The following SPTLC1 variants were observed in gnomAD, a reference collection of about 807,000 sequenced individuals.
SPTLC1 encodes serine palmitoyltransferase long chain base subunit 1.
A neutral mutation model predicts 68.9 loss-of-function variants in SPTLC1; 55 were observed. The ratio of observed to expected loss-of-function variants is 0.80; its 90% CI spans 0.64 to 1.00. SPTLC1 has a LOEUF of 1.00. Ranked by LOEUF, SPTLC1 falls within the 50% of genes least tolerant of loss-of-function variation. The probability of loss-of-function intolerance (pLI) is 0.00; values close to 1 mark genes in which losing one functional copy is unlikely to be tolerated. For synonymous variants in SPTLC1, 197 were observed against 201.6 expected (o/e 0.98, Z 0.19); for missense variants, 449 against 573.1 (o/e 0.78, Z 2.21).
chr9:92,058,113 G>A (rs1034650741), intron 7 of SPTLC1, among the ~76,000 whole-genome samples: 6 of 152,168 alleles, frequency 3.9e-5, no homozygotes, highest in Admixed American at 2.6e-4. Context: ...AGTGGAATGG[G>A]CTGTTTTCAG....
chr9:92,097,155 T>C (rs1174852649), intron 3 of SPTLC1, among the ~76,000 whole-genome samples: 2 of 152,094 alleles, frequency 1.3e-5, no homozygotes, highest in African/African-American at 2.4e-5. Context: ...TACAATAAAA[T>C]AGAAAATAAT....
chr9:92,045,347 AT>A (rs574385832), intron 12 of SPTLC1, among the ~76,000 whole-genome samples: 529 of 140,130 alleles, frequency 3.8e-3, no homozygotes, highest in East Asian at 5.3e-3. Context: ...ACCAACCTCC[AT>A]TTTTTTTTTT....
At chr9:92,058,455 CCA>C (rs1833970121) in intron 7 of SPTLC1, among the ~76,000 whole-genome samples, 1 of 152,172 alleles carries the variant, frequency 6.6e-6, no homozygotes, top group Non-Finnish European at 1.5e-5. Context: ...CTGCTCAGAA[CCA>C]CAGACCTGAG....
chr9:92,114,348 T>C (rs1836356649), intron 1 of SPTLC1, among the ~76,000 whole-genome samples: 1 of 152,206 alleles, frequency 6.6e-6, no homozygotes, highest in Admixed American at 6.5e-5. Flanking sequence ...TCTCAGTTAT[T>C]AAATGAATGA....
chr9:92,105,736 G>A lies in SPTLC1; in HGVS notation c.260+3004C>T, dbSNP rs566430091. 1.6e-4 allele frequency among the ~76,000 whole-genome samples: 25 copies of A among 151,808 alleles called. No individual in the cohort carries two copies. In the South Asian group the frequency reaches 5.0e-3, roughly 30 times the overall value. ...TCTGCCTGGCCGCCTCACAGCCCGG[G>A]AAGTGAGGAGTGCCTCTGCCCAGCC... On this transcript the variant is annotated intron_variant, in intron 3 of 14. Transcript: ENST00000262554.
rs889764170 is a variant in SPTLC1 at position 92,037,137 on chromosome 9, A to G, written c.1254+1111T>C. 2.2e-4 allele frequency among the ~76,000 whole-genome samples: 34 copies of G among 152,240 alleles called. 1 individual carries two copies. Among genetic ancestry groups the G allele is most frequent in the Non-Finnish European group, 4.4e-5 (3 of 68,042 alleles). On this transcript the variant is annotated intron_variant, in intron 13 of 14. Coordinates refer to ENST00000262554, the MANE Select transcript of SPTLC1 (RefSeq NM_006415.4). Reference sequence around the variant, plus strand: ...TTTGGGACATAGGACAGCTGAAGCCAGCTAGGCAGCAGAGGCTGCCTGCAC... The same window carrying G: ...TTTGGGACATAGGACAGCTGAAGCCGGCTAGGCAGCAGAGGCTGCCTGCAC...
chr9:92,059,611 A>G (rs1834017168), intron 6 of SPTLC1, among the ~76,000 whole-genome samples: 1 of 152,170 alleles, frequency 6.6e-6, no homozygotes, highest in Admixed American at 6.5e-5. Context: ...TTCTCTTTCT[A>G]AGAAACATAA....
chr9:92,104,431 C>A, intron 3 of SPTLC1: 1 of 1,379,140 alleles, frequency 7.3e-7, no homozygotes, highest in Non-Finnish European at 9.6e-7. Flanking sequence ...CCCTGTGAGG[C>A]TGTGTCTTAT....
intron 14 of SPTLC1, 147 bp from the exon 15 acceptor site, chr9:92,032,705 T>C: frequency 3.6e-6 from 4 of 1,099,370 alleles, no homozygotes; most frequent in Non-Finnish European, 5.3e-6. Flanking sequence ...TGAAACCCCA[T>C]CTCTGCTAAA....
rs7863487 is a variant in SPTLC1, at chr9:92,034,890, G to A, written c.1255-7C>T. 2.7e-3 allele frequency: 4,423 copies of A among 1,612,444 alleles called. 101 individuals are homozygous for A. In the African/African-American group the frequency reaches 0.049, roughly 18 times the overall value. On this transcript the variant is annotated splice_polypyrimidine_tract_variant and splice_region_variant and intron_variant, in intron 13 of 14. Transcript: ENST00000262554. Reference sequence around the variant, plus strand: ...CAATACTTCTGTTCATGCACTGTAGGAAGAAAAAGAAGACATCTGCAACCT... The same window carrying A: ...CAATACTTCTGTTCATGCACTGTAGAAAGAAAAAGAAGACATCTGCAACCT...
chr9:92,068,337 G>C (rs1469914500), intron 5 of SPTLC1, among the ~76,000 whole-genome samples: 2 of 152,156 alleles, frequency 1.3e-5, no homozygotes, highest in Non-Finnish European at 2.9e-5. Context: ...TGTTACTGGG[G>C]CAGTTCCAAC....
At chr9:92,089,974 C>G (rs1835295385) in intron 3 of SPTLC1, among the ~76,000 whole-genome samples, 1 of 152,180 alleles carries the variant, frequency 6.6e-6, no homozygotes, top group Non-Finnish European at 1.5e-5. Flanking sequence ...ACCTGTTACC[C>G]ACTAACTGTC....
intron 4 of SPTLC1, 63 bp downstream of exon 4, chr9:92,080,807 T>G: frequency 7.3e-7 from 1 of 1,377,212 alleles, no homozygotes; most frequent in Non-Finnish European, 1.0e-6. Flanking sequence ...GCCTTTGTCT[T>G]TTATGTCTAG....
intron 3 of SPTLC1, among the ~76,000 whole-genome samples, chr9:92,084,370 C>T (rs888813455): frequency 3.3e-5 from 5 of 152,126 alleles, no homozygotes; most frequent in African/African-American, 9.7e-5. Context: ...ATGATATTGG[C>T]TGTGGGTCTG....
intron 8 of SPTLC1, among the ~76,000 whole-genome samples, chr9:92,052,535 T>A (rs945640942): frequency 3.5e-5 from 5 of 143,542 alleles, no homozygotes; most frequent in Non-Finnish European, 7.8e-5. Flanking sequence ...ATTATTATTA[T>A]TTTTTTTTTT....
intron 6 of SPTLC1, among the ~76,000 whole-genome samples, chr9:92,059,603 CTCTT>C (rs1469353540): frequency 7.2e-5 from 11 of 152,170 alleles, no homozygotes; most frequent in Admixed American, 3.3e-4. Flanking sequence ...ACATACTTTT[CTCTT>C]TCTAAGAAAC....
chr9:92,042,304 A>G (rs1833379397), intron 12 of SPTLC1, among the ~76,000 whole-genome samples: 2 of 152,220 alleles, frequency 1.3e-5, no homozygotes, highest in African/African-American at 4.8e-5. Context: ...ACTAAGACGC[A>G]AAAGCATTAG....
At chr9:92,109,647 A>G (rs1836150787) in intron 2 of SPTLC1, 1 of 152,214 alleles carries the variant, frequency 6.6e-6, no homozygotes, top group Admixed American at 6.5e-5. Context: ...TTGGATCAAC[A>G]ATTCTCACCA....
intron 5 of SPTLC1, chr9:92,079,677 G>A: frequency 2.1e-6 from 2 of 971,480 alleles, no homozygotes; most frequent in Non-Finnish European, 3.4e-6. Flanking sequence ...GCTAGTCATG[G>A]CAGGGGTTCC....
Sources: allele counts gnomAD v4.1 joint callset (sites outside exome capture counted in the v4.1 genomes callset), GRCh38; gene constraint gnomAD v4.1.1; transcripts MANE v1.5; gene names NCBI Gene and HGNC (gene_info 2026-07-23, HGNC 2026-07-21).